Variants in MTG1 observed in about 807,000 individuals in gnomAD.
MTG1 encodes mitochondrial ribosome-associated GTPase 1.
A neutral mutation model predicts 39.5 loss-of-function variants in MTG1; 30 were observed. That is an observed-to-expected ratio of 0.76 (90% CI 0.57 to 1.03). The LOEUF (loss-of-function observed/expected upper bound fraction) is 1.03, where lower values mean the gene tolerates loss of function less well. Among genes scored for constraint, MTG1 ranks in the 50% least tolerant of loss-of-function variants. The probability of loss-of-function intolerance (pLI) is 0.00; values close to 1 mark genes in which losing one functional copy is unlikely to be tolerated. For missense variants in MTG1, 513 were observed against 447.4 expected, an observed-to-expected ratio of 1.15 and a Z score of -1.32; for synonymous variants, 217 against 179.0, an observed-to-expected ratio of 1.21 and a Z score of -1.69.
rs772423880 is a variant in MTG1, at chr10:133,422,518, C to G, written c.*2353C>G. ...CTAAGGAGGGTAAAGTGACTTGTTT[C>G]AAGTTGTTGGAGCAAAGTGGGTCTC... On this transcript the variant is annotated 3_prime_UTR_variant, in exon 11 of 11. Coordinates refer to ENST00000317502, the MANE Select transcript of MTG1 (RefSeq NM_138384.4). 6.6e-6 allele frequency: 1 copy of G among 152,332 alleles called. No individual in the cohort carries two copies. The highest frequency in any genetic ancestry group is 1.5e-5 in the Non-Finnish European group (1 of 68,146). 9.4% of individuals were successfully genotyped at this position (152,332 alleles called of 1,614,324 possible).
chr10:133,403,052 T>A (rs1356284603), intron 9 of MTG1, among the ~76,000 whole-genome samples: 1 of 134,186 alleles, frequency 7.5e-6, no homozygotes, highest in East Asian at 2.3e-4. Flanking sequence ...CCATCCCTGC[T>A]CCTCCTTCGT....
chr10:133,419,936 A>T (rs1850201944), intron 10 of MTG1, 90 bp from the exon 11 acceptor site: 1 of 1,418,988 alleles, frequency 7.0e-7, no homozygotes, highest in African/African-American at 1.4e-5. Context: ...GCCATCATGG[A>T]GCCTCTTAGG....
chr10:133,402,839 A>C lies in MTG1; in HGVS notation c.752+66A>C, dbSNP rs1028052364. On this transcript the variant is annotated intron_variant, in intron 9 of 10. Coordinates refer to ENST00000317502, the MANE Select transcript of MTG1 (RefSeq NM_138384.4). The surrounding 1 kb of genome is among the most constrained non-coding windows in gnomAD (Gnocchi z 4.7). ...TAGTCACCTCATTTAAAAAAAAAAA[A>C]CAAACAAAAAAACCCCCAGCATTAT... 50 of 1,196,156 alleles carry C rather than the reference A, an allele frequency of 4.2e-5. No individual in the cohort carries two copies. Among genetic ancestry groups the C allele is most frequent in the Middle Eastern group, 2.0e-4 (1 of 5,064 alleles). The allele number at this position is 1,196,156 out of a possible 1,614,324, so 74.1% of individuals were successfully genotyped here.
At chr10:133,416,277 GCTAATT>G (rs1850130714) in intron 9 of MTG1, among the ~76,000 whole-genome samples, 1 of 151,844 alleles carries the variant, frequency 6.6e-6, no homozygotes, top group East Asian at 1.9e-4. Context: ...TGTCTTGTCT[GCTAATT>G]CTAACATTGG....
intron 9 of MTG1, among the ~76,000 whole-genome samples, chr10:133,406,334 C>G (rs1403493727): frequency 6.6e-6 from 1 of 152,154 alleles, no homozygotes; most frequent in Non-Finnish European, 1.5e-5. Context: ...GCCGTGCCGT[C>G]CAGGCTGAGT....
In MTG1 at chr10:133,402,656, T is replaced by C. The variant is rs778745286; in HGVS notation, c.671-36T>C. On this transcript the variant is annotated intron_variant, in intron 8 of 10. Transcript: ENST00000317502. The surrounding 1 kb of genome is among the most constrained non-coding windows in gnomAD (Gnocchi z 4.7). ...AACTTGGCAGGAACATAGATGTGGC[T>C]GTTTCCAGTGCTCACCTCGGCTGCT... The C allele has an allele frequency of 9.0e-6, 14 of 1,557,848 alleles. No homozygotes were observed. Among genetic ancestry groups the C allele is most frequent in the Non-Finnish European group, 1.2e-5 (14 of 1,145,840 alleles).
Position 133,402,332 on chromosome 10 carries a change from A to G in MTG1, c.670+87A>G, listed in dbSNP as rs1050121581. On this transcript the variant is annotated intron_variant, in intron 8 of 10. Transcript: ENST00000317502. The surrounding 1 kb of genome is among the most constrained non-coding windows in gnomAD (Gnocchi z 4.7). Reference sequence around the variant, plus strand: ...GGGCTGGCTTTGGCACAGGGCCCCTAGACGGGAGTTGTTACTGCCTTTGAC... The same window carrying G: ...GGGCTGGCTTTGGCACAGGGCCCCTGGACGGGAGTTGTTACTGCCTTTGAC... 31 of 1,505,508 alleles carry G rather than the reference A, an allele frequency of 2.1e-5. No individual in the cohort carries two copies. In the Admixed American group the frequency reaches 2.9e-4, roughly 14 times the overall value. The allele number at this position is 1,505,508 out of a possible 1,614,324, so 93.3% of individuals were successfully genotyped here. A position where few individuals can be genotyped will look rare whatever the true frequency, so the allele number is the denominator to read the frequency against.
At chr10:133,414,894 G>C (rs540503791) in intron 9 of MTG1, among the ~76,000 whole-genome samples, 1 of 152,236 alleles carries the variant, frequency 6.6e-6, no homozygotes, top group Non-Finnish European at 1.5e-5. Context: ...CTGAGTGAAC[G>C]AGACTCCGTC....
intron 6 of MTG1, among the ~76,000 whole-genome samples, chr10:133,400,313 G>A (rs1849856345): frequency 6.6e-6 from 1 of 152,242 alleles, no homozygotes; most frequent in African/African-American, 2.4e-5. Flanking sequence ...CATGGCGTCC[G>A]CCTTGCCTTT....
At chr10:133,403,637 A>G (rs972754308) in intron 9 of MTG1, among the ~76,000 whole-genome samples, 1 of 152,186 alleles carries the variant, frequency 6.6e-6, no homozygotes, top group African/African-American at 2.4e-5. Flanking sequence ...AGGCGGTTTC[A>G]GTGTCCAGGT....
intron 3 of MTG1, 127 bp downstream of exon 3, chr10:133,396,394 G>T (rs1395825208): frequency 7.5e-6 from 6 of 803,302 alleles, no homozygotes; most frequent in Non-Finnish European, 1.2e-5. Flanking sequence ...TTTAGAAACA[G>T]CCCTTTGCTT....
chr10:133,420,340 A>T lies in MTG1; in HGVS notation c.*175A>T. On this transcript the variant is annotated 3_prime_UTR_variant, in exon 11 of 11. Coordinates refer to ENST00000317502, the MANE Select transcript of MTG1 (RefSeq NM_138384.4). ...CCAGGGACCCCAGTTGCAGGGCCCA[A>T]GCAGGTGGGAGTGGACACCAGGCTT... is the stretch of plus-strand genomic sequence containing the variant. 1 of 687,028 alleles carries T rather than the reference A, an allele frequency of 1.5e-6. No individual in the cohort carries two copies. Among genetic ancestry groups the T allele is most frequent in the Non-Finnish European group, 2.2e-6 (1 of 444,610 alleles). The allele number at this position is 687,028 out of a possible 1,614,324, so 42.6% of individuals were successfully genotyped here. A position where few individuals can be genotyped will look rare whatever the true frequency, so the allele number is the denominator to read the frequency against.
rs1189805388 is a variant in MTG1, at chr10:133,420,314, TC to T, written c.*151del. 6 of 966,570 alleles carry T rather than the reference TC, an allele frequency of 6.2e-6. No homozygotes were observed. In the African/African-American group the frequency reaches 1.0e-4, roughly 16 times the overall value. 59.9% of individuals were successfully genotyped at this position (966,570 alleles called of 1,614,324 possible). A position where few individuals can be genotyped will look rare whatever the true frequency, so the allele number is the denominator to read the frequency against. On this transcript the variant is annotated 3_prime_UTR_variant, in exon 11 of 11. Transcript: ENST00000317502. ...TCTGGCGCCCCACAGCCTGGCCAGCTCCAGGGACCCCAGTTGCAGGGCCCAA... is the reference window on the plus strand; with the variant it reads ...TCTGGCGCCCCACAGCCTGGCCAGCTCAGGGACCCCAGTTGCAGGGCCCAA...
intron 9 of MTG1, among the ~76,000 whole-genome samples, chr10:133,418,911 T>TA (rs1317034341): frequency 1.3e-5 from 2 of 152,202 alleles, no homozygotes; most frequent in African/African-American, 4.8e-5. Flanking sequence ...GAGTGCCCGT[T>TA]ACAATCACTG....
rs1234158177 is a variant in MTG1 at position 133,422,396 on chromosome 10, G to A, written c.*2231G>A. On this transcript the variant is annotated 3_prime_UTR_variant, in exon 11 of 11. Transcript: ENST00000317502. ...GGGATTGGCAGTTGCTGTGCCCTGAGAACAGGCAGAACTGTGTGATCCCTG... is the reference window on the plus strand; with the variant it reads ...GGGATTGGCAGTTGCTGTGCCCTGAAAACAGGCAGAACTGTGTGATCCCTG... 2.0e-5 allele frequency: 3 copies of A among 152,368 alleles called. No individual in the cohort carries two copies. The highest frequency in any genetic ancestry group is 1.5e-5 in the Non-Finnish European group (1 of 68,156). 9.4% of individuals were successfully genotyped at this position (152,368 alleles called of 1,614,324 possible).
intron 9 of MTG1, among the ~76,000 whole-genome samples, chr10:133,413,100 A>G (rs952600698): frequency 6.6e-6 from 1 of 152,130 alleles, no homozygotes; most frequent in Non-Finnish European, 1.5e-5. Context: ...CTTGTCTGAT[A>G]TTAATATAGC....
At chr10:133,417,294 T>C (rs1432728596) in intron 9 of MTG1, among the ~76,000 whole-genome samples, 3 of 151,766 alleles carry the variant, frequency 2.0e-5, no homozygotes, top group Middle Eastern at 3.4e-3. Flanking sequence ...ATTATCTCAA[T>C]AGATGCAGAA....
intron 6 of MTG1, 74 bp from the exon 7 acceptor site, chr10:133,401,455 A>G (rs1450056835): frequency 1.5e-6 from 2 of 1,319,948 alleles, no homozygotes; most frequent in Non-Finnish European, 2.1e-6. Flanking sequence ...TGTTTGTTAC[A>G]TACGTCTCCC....
chr10:133,410,452 A>G (rs901450157), intron 9 of MTG1, among the ~76,000 whole-genome samples: 9 of 152,044 alleles, frequency 5.9e-5, no homozygotes, highest in African/African-American at 1.9e-4. Context: ...TTGTTTTCTG[A>G]TTGTAACTCC....
Sources: gnomAD v4.1 joint callset for allele counts (sites outside exome capture counted in the v4.1 genomes callset) on GRCh38, gnomAD v4.1.1 for gene constraint, Gnocchi (gnomAD v3.1) non-coding constraint, MANE v1.5 for transcripts, NCBI Gene and HGNC (gene_info 2026-07-23, HGNC 2026-07-21) for gene names.